MMP20: variants seen among roughly 807,000 people sequenced by gnomAD.
MMP20 encodes matrix metallopeptidase 20.
MMP20 carries 50 observed loss-of-function variants against 51.8 expected under a neutral mutation model. That is an observed-to-expected ratio of 0.97 (90% confidence interval 0.77 to 1.22). The LOEUF (loss-of-function observed/expected upper bound fraction) is 1.22, where lower values mean the gene tolerates loss of function less well. Among genes scored for constraint, MMP20 ranks in the 50% most tolerant of loss-of-function variants. The pLI, the probability that MMP20 is intolerant of heterozygous loss-of-function variation, is 0.00. For missense variants in MMP20, 663 were observed against 601.4 expected, an observed-to-expected ratio of 1.10 and a Z score of -1.07; for synonymous variants, 244 against 216.2, an observed-to-expected ratio of 1.13 and a Z score of -1.13.
chr11:102,590,603 C>A (rs1280920214), intron 8 of MMP20, among the ~76,000 whole-genome samples: 3 of 152,182 alleles, frequency 2.0e-5, no homozygotes, highest in African/African-American at 4.8e-5. Flanking sequence ...CTTCCCTTGG[C>A]ACATTACTTA....
chr11:102,608,479 G>A (rs955610999), intron 5 of MMP20, among the ~76,000 whole-genome samples: 1 of 152,196 alleles, frequency 6.6e-6, no homozygotes, highest in Non-Finnish European at 1.5e-5. Context: ...TTGGTTGTGA[G>A]GCTGGTGTAA....
At chr11:102,601,510 G>T (rs1173609330) in intron 6 of MMP20, among the ~76,000 whole-genome samples, 1 of 151,990 alleles carries the variant, frequency 6.6e-6, no homozygotes, top group African/African-American at 2.4e-5. Flanking sequence ...CTATTTCCTA[G>T]GCTCATTCTT....
intron 1 of MMP20, among the ~76,000 whole-genome samples, chr11:102,623,569 T>A (rs1196846062): frequency 6.6e-6 from 1 of 152,238 alleles, no homozygotes; most frequent in African/African-American, 2.4e-5. Flanking sequence ...ATGAAACTGG[T>A]GCTTGGCTGG....
At position 102,577,549 on chromosome 11, in the gene MMP20, C is replaced by T. The variant is rs561512109; in HGVS notation, c.1352-123G>A. 5 of 732,720 alleles carry T rather than the reference C, an allele frequency of 6.8e-6. No homozygotes were observed. In the East Asian group the frequency reaches 1.4e-4, roughly 20 times the overall value. The allele number at this position is 732,720 out of a possible 1,614,324, so 45.4% of individuals were successfully genotyped here. A position where few individuals can be genotyped will look rare whatever the true frequency, so the allele number is the denominator to read the frequency against. ...GAGGAATTGTGAATTTGTCAGGTGG[C>T]AGTTAGCTTGTCTTCTGTCTTCATG... On this transcript the variant is annotated intron_variant, in intron 9 of 9. Coordinates refer to ENST00000260228, the MANE Select transcript of MMP20 (RefSeq NM_004771.4).
At chr11:102,595,844 G>A (rs1056371167) in intron 6 of MMP20, among the ~76,000 whole-genome samples, 17 of 152,142 alleles carry the variant, frequency 1.1e-4, no homozygotes, top group Non-Finnish European at 1.9e-4. Flanking sequence ...TATAAAACAC[G>A]AATAATTTAC....
intron 3 of MMP20, 70 bp from the exon 4 acceptor site, chr11:102,610,100 C>T: frequency 6.5e-7 from 1 of 1,549,868 alleles, no homozygotes; most frequent in Non-Finnish European, 8.9e-7. Flanking sequence ...CATCATATTA[C>T]AGAAAAGGGA....
chr11:102,595,260 T>G (rs148426371), intron 6 of MMP20, among the ~76,000 whole-genome samples: 23 of 152,274 alleles, frequency 1.5e-4, no homozygotes, highest in Middle Eastern at 3.4e-3. Flanking sequence ...AAAACACAAC[T>G]TTTTGGACCT....
intron 2 of MMP20, among the ~76,000 whole-genome samples, chr11:102,616,570 CT>C (rs761704590): frequency 1.3e-5 from 2 of 152,084 alleles, no homozygotes; most frequent in Non-Finnish European, 2.9e-5. Context: ...TGTGTTGTTT[CT>C]AGCTGGTAAA....
At chr11:102,604,787 A>C (rs1327898477) in intron 6 of MMP20, among the ~76,000 whole-genome samples, 1 of 152,268 alleles carries the variant, frequency 6.6e-6, no homozygotes, top group African/African-American at 2.4e-5. Context: ...GATGAGAATT[A>C]AAATCCGTTG....
chr11:102,625,163 G>C (rs1398756328), intron 1 of MMP20, 31 bp downstream of exon 1: 1 of 1,612,892 alleles, frequency 6.2e-7, no homozygotes, highest in Non-Finnish European at 8.5e-7. Context: ...GGGCAGAGGA[G>C]CAAGAAGGAA....
intron 2 of MMP20, among the ~76,000 whole-genome samples, chr11:102,615,095 T>A (rs951993858): frequency 6.8e-5 from 10 of 147,640 alleles, no homozygotes; most frequent in African/African-American, 2.5e-4. Flanking sequence ...TATAATTTAA[T>A]GTAATTTATT....
intron 6 of MMP20, 38 bp from the exon 7 acceptor site, chr11:102,594,795 A>T (rs780444730): frequency 6.3e-7 from 1 of 1,588,686 alleles, no homozygotes; most frequent in South Asian, 1.1e-5. Flanking sequence ...AAAAAAATCA[A>T]GATCAATGAT....
At chr11:102,609,147 T>G (rs781182817) in intron 4 of MMP20, 49 bp from the exon 5 acceptor site, 1 of 1,509,838 alleles carries the variant, frequency 6.6e-7, no homozygotes, top group African/African-American at 1.4e-5. Context: ...GGTTTTTGTT[T>G]TCTCCATCTT....
intron 8 of MMP20, among the ~76,000 whole-genome samples, chr11:102,590,078 G>A (rs1218161351): frequency 6.6e-6 from 1 of 152,138 alleles, no homozygotes; most frequent in Non-Finnish European, 1.5e-5. Flanking sequence ...ATAAAATTCA[G>A]AAATCATTGA....
intron 6 of MMP20, among the ~76,000 whole-genome samples, chr11:102,600,755 G>T (rs1859435846): frequency 6.6e-6 from 1 of 152,092 alleles, no homozygotes. Context: ...CAAAGTGCTG[G>T]GATTACAGGT....
intron 6 of MMP20, among the ~76,000 whole-genome samples, chr11:102,595,945 C>T (rs1379877513): frequency 1.3e-5 from 2 of 152,204 alleles, no homozygotes; most frequent in Non-Finnish European, 2.9e-5. Flanking sequence ...TTCCTAGTGG[C>T]TAATTTAGGA....
At chr11:102,599,938 T>A (rs748149684) in intron 6 of MMP20, among the ~76,000 whole-genome samples, 1 of 152,190 alleles carries the variant, frequency 6.6e-6, no homozygotes, top group Non-Finnish European at 1.5e-5. Flanking sequence ...TTTGTACCCA[T>A]CTGAAGAGCC....
At chr11:102,592,899 G>C (rs17174309) in intron 8 of MMP20, among the ~76,000 whole-genome samples, 2 of 152,202 alleles carry the variant, frequency 1.3e-5, no homozygotes, top group African/African-American at 4.8e-5. Flanking sequence ...CTCATACGAA[G>C]CCCCTGAGGA....
intron 8 of MMP20, among the ~76,000 whole-genome samples, chr11:102,584,942 C>A (rs777257244): frequency 1.3e-4 from 20 of 152,074 alleles, no homozygotes; most frequent in Non-Finnish European, 2.6e-4. Context: ...AGATACATGG[C>A]TTTATTTCCT....
Sources: allele counts gnomAD v4.1 joint callset (sites outside exome capture counted in the v4.1 genomes callset), GRCh38; gene constraint gnomAD v4.1.1; transcripts MANE v1.5; gene names NCBI Gene and HGNC (gene_info 2026-07-23, HGNC 2026-07-21).